The following SMCO1 variants were observed in gnomAD, a reference collection of about 807,000 sequenced individuals.
SMCO1 encodes the protein single-pass membrane and coiled-coil domain-containing protein 1.
A neutral mutation model predicts 7.5 loss-of-function variants in SMCO1; 9 were observed. The ratio of observed to expected loss-of-function variants is 1.20; its 90% confidence interval spans 0.72 to 2.09. The LOEUF is 2.09. Ranked by LOEUF, SMCO1 falls within the 30% of genes most tolerant of loss-of-function variation. The pLI is 0.00. For synonymous variants in SMCO1, 90 were observed against 93.8 expected, an observed-to-expected ratio of 0.96 and a Z score of 0.23; for missense variants, 219 against 253.1, an observed-to-expected ratio of 0.87 and a Z score of 0.91.
upstream of SMCO1, among the ~76,000 whole-genome samples, chr3:196,516,017 ATATATATATATAT>A: frequency 1.0e-5 from 1 of 100,412 alleles, no homozygotes; most frequent in South Asian, 2.5e-4. Context: ...ATATATATAT[ATATATATATATAT>A]AATTATATAT....
chr3:196,515,281 A>C lies in SMCO1; in HGVS notation c.-72T>G, dbSNP rs1235614764. On this transcript the variant is annotated 5_prime_UTR_variant, in exon 1 of 3. Transcript: ENST00000397537. ...AAAGCAATAAATGTTTGAATCCAGAATTTTCTGCGGTCTTCCTCTCAGCAA... is the reference window on the plus strand; with the variant it reads ...AAAGCAATAAATGTTTGAATCCAGACTTTTCTGCGGTCTTCCTCTCAGCAA... The C allele has an allele frequency of 4.1e-6, 5 of 1,214,462 alleles. No individual in the cohort carries two copies. Among genetic ancestry groups the C allele is most frequent in the Non-Finnish European group, 6.1e-6 (5 of 821,064 alleles). The allele number at this position is 1,214,462 out of a possible 1,614,324, so 75.2% of individuals were successfully genotyped here.
intron 2 of SMCO1, among the ~76,000 whole-genome samples, chr3:196,508,799 T>C (rs1252939542): frequency 6.7e-6 from 1 of 150,282 alleles, no homozygotes; most frequent in Non-Finnish European, 1.5e-5. Context: ...TAGCTGGGCA[T>C]GGTGGCGGGC....
chr3:196,511,848 C>T (rs1336449976), intron 1 of SMCO1, among the ~76,000 whole-genome samples: 1 of 135,286 alleles, frequency 7.4e-6, no homozygotes, highest in Admixed American at 6.8e-5. Context: ...ATGAGGGAAA[C>T]CTGCCTGGGC....
intron 1 of SMCO1, 166 bp downstream of exon 1, chr3:196,514,994 C>G (rs1483076809): frequency 1.3e-6 from 1 of 771,354 alleles, no homozygotes; most frequent in African/African-American, 1.7e-5. Flanking sequence ...CCCACCTCGG[C>G]CTCCCAGTGT....
At chr3:196,516,597 G>A (rs143302811), upstream of SMCO1, among the ~76,000 whole-genome samples, 7 of 152,274 alleles carry the variant, frequency 4.6e-5, no homozygotes, top group African/African-American at 1.7e-4. Context: ...TATTTACTGA[G>A]CATCATAGAT....
At chr3:196,514,510 A>G (rs1733331245) in intron 1 of SMCO1, among the ~76,000 whole-genome samples, 1 of 152,232 alleles carries the variant, frequency 6.6e-6, no homozygotes, top group East Asian at 1.9e-4. Context: ...ATAGACCTTT[A>G]GGAACATCAC....
chr3:196,508,153 C>G lies in SMCO1; in HGVS notation c.379G>C (p.Glu127Gln). 6.2e-7 allele frequency: 1 copy of G among 1,614,072 alleles called. No individual in the cohort carries two copies. The change falls in exon 3 of 3, where the codon GAG (glutamate) becomes CAG (glutamine). Residue 127 changes from glutamate to glutamine, a missense_variant. Physicochemically the swap from Glu to Gln is conservative, Grantham distance 29. Transcript: ENST00000397537. ...TCTCCTTCTTGCAGCCCACACTCCT[C>G]CAGTATGGACTCCCATACAACTCTA... ...RVRVVWESIL[E>Q]ECGLQEGDIT...
chr3:196,517,104 C>CAA (rs56104987), upstream of SMCO1, among the ~76,000 whole-genome samples: 221 of 35,744 alleles, frequency 6.2e-3, 41 homozygotes, highest in African/African-American at 0.016. Flanking sequence ...GACTCCATCG[C>CAA]AAAAAAAAAA....
In SMCO1 at chr3:196,506,961, G is replaced by A. The variant is rs370751471; in HGVS notation, c.*926C>T. 2.0e-5 allele frequency: 3 copies of A among 152,312 alleles called. No homozygotes were observed. The highest frequency in any genetic ancestry group is 6.5e-5 in the Admixed American group (1 of 15,298). The allele number at this position is 152,312 out of a possible 1,614,324, so 9.4% of individuals were successfully genotyped here. A position where few individuals can be genotyped will look rare whatever the true frequency, so the allele number is the denominator to read the frequency against. ...GACCCGAAGGTGGGTTGCTGGCCAC[G>A]AGCCTGAGTCTATGGGTTTTTGTGG... On this transcript the variant is annotated 3_prime_UTR_variant, in exon 3 of 3. Coordinates refer to ENST00000397537, the MANE Select transcript of SMCO1 (RefSeq NM_001077657.3).
At chr3:196,520,431 C>G in the SMCO1 span, among the ~76,000 whole-genome samples, 1 of 152,056 alleles carries the variant, frequency 6.6e-6, no homozygotes, top group East Asian at 1.9e-4. Context: ...ATGTCCCAAC[C>G]CTTCTAGTCC....
upstream of SMCO1, among the ~76,000 whole-genome samples, chr3:196,519,935 C>CG (rs111924618): frequency 3.5e-3 from 538 of 152,112 alleles, 8 homozygotes; most frequent in African/African-American, 0.012. Context: ...GGAAAACAGT[C>CG]GGGGGGGACG....
chr3:196,508,798 A>G (rs975699606), intron 2 of SMCO1, among the ~76,000 whole-genome samples: 36 of 150,304 alleles, frequency 2.4e-4, no homozygotes, highest in Admixed American at 1.2e-3. Flanking sequence ...TTAGCTGGGC[A>G]TGGTGGCGGG....
chr3:196,517,107 A>C (rs1352133835), upstream of SMCO1, among the ~76,000 whole-genome samples: 3 of 127,804 alleles, frequency 2.3e-5, no homozygotes, highest in East Asian at 8.3e-4. Context: ...TCCATCGCAA[A>C]AAAAAAAAAA....
chr3:196,514,689 C>G, intron 1 of SMCO1, among the ~76,000 whole-genome samples: 1 of 152,128 alleles, frequency 6.6e-6, no homozygotes, highest in Non-Finnish European at 1.5e-5. Flanking sequence ...GCAGACTTTT[C>G]TTTATTGTTA....
Position 196,509,583 on chromosome 3 carries a change from T to C in SMCO1, c.137A>G (p.His46Arg). The change falls in exon 2 of 3, where the codon CAT (histidine) becomes CGT (arginine). Residue 46 changes from histidine (H) to arginine (R), a missense_variant. Physicochemically the swap from His to Arg is conservative, Grantham distance 29. Coordinates refer to ENST00000397537, the MANE Select transcript of SMCO1 (RefSeq NM_001077657.3). ...TGCTTGGCTTGCCAAAGCCTTACTATGATGTTCGAATTTCTGCATCAGGTT... is the reference window on the plus strand; with the variant it reads ...TGCTTGGCTTGCCAAAGCCTTACTACGATGTTCGAATTTCTGCATCAGGTT... ...KDNLMQKFEH[H>R]SKALASQAAQ... The C allele has an allele frequency of 6.2e-7, 1 of 1,614,138 alleles. No homozygotes were observed. The highest frequency in any genetic ancestry group is 8.5e-7 in the Non-Finnish European group (1 of 1,180,016).
At chr3:196,512,371 T>G (rs1012881519) in intron 1 of SMCO1, among the ~76,000 whole-genome samples, 1 of 152,192 alleles carries the variant, frequency 6.6e-6, no homozygotes, top group Non-Finnish European at 1.5e-5. Context: ...CTTCCGTATC[T>G]CCAGTGACCT....
intron 1 of SMCO1, among the ~76,000 whole-genome samples, chr3:196,514,426 T>C (rs868762705): frequency 6.6e-6 from 1 of 152,196 alleles, no homozygotes; most frequent in African/African-American, 2.4e-5. Flanking sequence ...AGATCCAGCT[T>C]AAATGACCCT....
At chr3:196,511,227 A>G (rs192274086) in intron 1 of SMCO1, among the ~76,000 whole-genome samples, 25 of 107,852 alleles carry the variant, frequency 2.3e-4, no homozygotes, top group African/African-American at 1.5e-3. Flanking sequence ...AACTTGCCTG[A>G]GCCACCTAGA....
chr3:196,515,830 C>T (rs1219388756), upstream of SMCO1, among the ~76,000 whole-genome samples: 2 of 150,764 alleles, frequency 1.3e-5, no homozygotes, highest in Non-Finnish European at 3.0e-5. Flanking sequence ...GCGAGACTGT[C>T]TCCACAAAAA....
Sources: gnomAD v4.1 joint callset for allele counts (sites outside exome capture counted in the v4.1 genomes callset) on GRCh38, gnomAD v4.1.1 for gene constraint, MANE v1.5 for transcripts, NCBI Gene and HGNC (gene_info 2026-07-23, HGNC 2026-07-21) for gene names.